The following SEMA3C variants were observed in gnomAD, a reference collection of about 807,000 sequenced individuals.
The protein encoded by SEMA3C is semaphorin 3C, also known as semaphorin-3C.
A neutral mutation model predicts 89.4 loss-of-function variants in SEMA3C; 47 were observed. That is an observed-to-expected ratio of 0.53 (90% CI 0.42 to 0.67). The LOEUF (loss-of-function observed/expected upper bound fraction) is 0.67, where lower values mean the gene tolerates loss of function less well. Among genes scored for constraint, SEMA3C ranks in the 30% least tolerant of loss-of-function variants. SEMA3C has a pLI of 0.00. For synonymous variants in SEMA3C, 310 were observed against 320.2 expected (o/e 0.97, Z 0.34); for missense variants, 839 against 929.1 (o/e 0.90, Z 1.26).
intron 7 of SEMA3C, among the ~76,000 whole-genome samples, chr7:80,804,967 T>C (rs1789303535): frequency 6.6e-6 from 1 of 152,100 alleles, no homozygotes; most frequent in South Asian, 2.1e-4. Flanking sequence ...CTTCGTTTTT[T>C]GTTTTTGTTT....
chr7:80,759,197 A>G (rs532786630), intron 14 of SEMA3C, among the ~76,000 whole-genome samples: 1 of 152,180 alleles, frequency 6.6e-6, no homozygotes, highest in Non-Finnish European at 1.5e-5. Context: ...AGCTGTGCAT[A>G]ATATGGTTCT....
At chr7:80,769,743 C>T (rs1166572329) in intron 12 of SEMA3C, among the ~76,000 whole-genome samples, 1 of 151,298 alleles carries the variant, frequency 6.6e-6, no homozygotes, top group African/African-American at 2.4e-5. Flanking sequence ...CCTGTAAATC[C>T]AGTTACTGAA....
At chr7:80,841,628 A>G (rs1362173629) in intron 2 of SEMA3C, among the ~76,000 whole-genome samples, 1 of 152,120 alleles carries the variant, frequency 6.6e-6, no homozygotes, top group East Asian at 1.9e-4. Context: ...ATGATGGAGG[A>G]CCACCCACAG....
At chr7:80,837,957 A>G (rs17154540) in intron 2 of SEMA3C, among the ~76,000 whole-genome samples, 2,130 of 152,238 alleles carry the variant, frequency 0.014, 61 homozygotes, top group Admixed American at 0.068. Flanking sequence ...AATTGACTCT[A>G]AACATGAAAC....
intron 5 of SEMA3C, among the ~76,000 whole-genome samples, chr7:80,814,466 A>C (rs1050719833): frequency 3.3e-5 from 5 of 152,096 alleles, no homozygotes; most frequent in Admixed American, 2.6e-4. Context: ...CTCAAGTCTC[A>C]ACCACCGTCA....
chr7:80,745,386 C>T, intron 17 of SEMA3C, 79 bp from the exon 18 acceptor site: 1 of 1,361,772 alleles, frequency 7.3e-7, no homozygotes, highest in Non-Finnish European at 1.0e-6. Flanking sequence ...ACAGAATAGT[C>T]TCAACTTTCA....
At chr7:80,768,306 G>A (rs6972111) in intron 12 of SEMA3C, among the ~76,000 whole-genome samples, 3,614 of 152,262 alleles carry the variant, frequency 0.024, 144 homozygotes, top group African/African-American at 0.082. Context: ...GAGGTCAGGA[G>A]ATCGAGACCA....
chr7:80,759,856 A>G lies in SEMA3C; in HGVS notation c.1486-1368T>C, dbSNP rs548818524. Among the ~76,000 whole-genome samples the G allele has an allele frequency of 3.3e-5, 5 of 152,332 alleles. No homozygotes were observed. In the East Asian group the frequency reaches 9.6e-4, roughly 29 times the overall value. On this transcript the variant is annotated intron_variant, in intron 14 of 17. Coordinates refer to ENST00000265361, the MANE Select transcript of SEMA3C (RefSeq NM_006379.5). ...TAACCATTTGTCCAGGCACATTTGA[A>G]ATAAATGTTTATCGAGTAAATTAGT...
chr7:80,907,580 C>A (rs941622367), intron 2 of SEMA3C, among the ~76,000 whole-genome samples: 1 of 151,902 alleles, frequency 6.6e-6, no homozygotes, highest in Non-Finnish European at 1.5e-5. Flanking sequence ...TATAAACAAT[C>A]TATAAGGGTG....
At chr7:80,867,222 T>A (rs945121150) in intron 2 of SEMA3C, among the ~76,000 whole-genome samples, 3 of 152,226 alleles carry the variant, frequency 2.0e-5, no homozygotes, top group African/African-American at 4.8e-5. Flanking sequence ...AATATCTATG[T>A]TGAAGTATAC....
At chr7:80,881,524 T>C (rs969195860) in intron 2 of SEMA3C, among the ~76,000 whole-genome samples, 3 of 152,176 alleles carry the variant, frequency 2.0e-5, no homozygotes, top group Non-Finnish European at 4.4e-5. Context: ...CTGGCATCAC[T>C]GGAGGGGTGT....
At chr7:80,881,625 T>C (rs1348459189) in intron 2 of SEMA3C, among the ~76,000 whole-genome samples, 2 of 152,218 alleles carry the variant, frequency 1.3e-5, no homozygotes, top group Non-Finnish European at 2.9e-5. Context: ...AAACCTCTCC[T>C]ACATGTGATA....
At chr7:80,916,034 C>T (rs1478431268) in intron 2 of SEMA3C, among the ~76,000 whole-genome samples, 5 of 152,144 alleles carry the variant, frequency 3.3e-5, no homozygotes, top group African/African-American at 1.2e-4. Context: ...AAACCATTCC[C>T]TCAGAAGACC....
At chr7:80,875,256 A>T (rs924732681) in intron 2 of SEMA3C, among the ~76,000 whole-genome samples, 2 of 152,226 alleles carry the variant, frequency 1.3e-5, no homozygotes, top group Non-Finnish European at 2.9e-5. Flanking sequence ...TGCATACAAA[A>T]GAAATAATGA....
chr7:80,790,446 C>G (rs918541298), intron 11 of SEMA3C, among the ~76,000 whole-genome samples: 1 of 152,152 alleles, frequency 6.6e-6, no homozygotes, highest in Non-Finnish European at 1.5e-5. Context: ...TCAAAGATCC[C>G]ATTCATTATC....
intron 5 of SEMA3C, among the ~76,000 whole-genome samples, chr7:80,814,891 T>C (rs1789561342): frequency 6.6e-6 from 1 of 152,196 alleles, no homozygotes; most frequent in South Asian, 2.1e-4. Flanking sequence ...TGTGGTCTTC[T>C]ATGTCAACTC....
chr7:80,878,886 AAGTTGTT>A (rs1374176695), intron 2 of SEMA3C, among the ~76,000 whole-genome samples: 1 of 152,160 alleles, frequency 6.6e-6, no homozygotes, highest in Admixed American at 6.5e-5. Context: ...TTAGAAAAAA[AAGTTGTT>A]ATAGAGGTAG....
chr7:80,750,446 A>G (rs1342510257), intron 16 of SEMA3C, among the ~76,000 whole-genome samples: 1 of 47,306 alleles, frequency 2.1e-5, no homozygotes, highest in African/African-American at 7.8e-5. Context: ...ATATATATAT[A>G]TATATATATA....
intron 2 of SEMA3C, among the ~76,000 whole-genome samples, chr7:80,833,126 C>T (rs1459510742): frequency 6.6e-6 from 1 of 152,062 alleles, no homozygotes; most frequent in Non-Finnish European, 1.5e-5. Flanking sequence ...TCCTCCTTGC[C>T]TGTTTCATTA....
Sources: allele counts gnomAD v4.1 joint callset (sites outside exome capture counted in the v4.1 genomes callset), GRCh38; gene constraint gnomAD v4.1.1; transcripts MANE v1.5; gene names NCBI Gene and HGNC (gene_info 2026-07-23, HGNC 2026-07-21).